The following LHX9 variants were observed in gnomAD, a reference collection of about 807,000 sequenced individuals.
The protein encoded by LHX9 is LIM/homeobox protein Lhx9.
LHX9 carries 9 observed loss-of-function variants against 36.5 expected under a neutral mutation model. The observed-to-expected ratio is 0.25, with a 90% CI of 0.15 to 0.43. LHX9 has a LOEUF of 0.43. Ranked by LOEUF, LHX9 falls within the 20% of genes least tolerant of loss-of-function variation. LHX9 has a pLI of 1.00. For missense variants in LHX9, 464 were observed against 526.4 expected (o/e 0.88, Z 1.16); for synonymous variants, 211 against 212.1 (o/e 0.99, Z 0.04).
In LHX9 at chr1:197,920,142, C is replaced by T; in HGVS notation, c.345C>T (p.Asp115=). 6.2e-7 allele frequency: 1 copy of T among 1,614,214 alleles called. No individual in the cohort carries two copies. Among genetic ancestry groups the T allele is most frequent in the Non-Finnish European group, 8.5e-7 (1 of 1,180,034 alleles). ...LESELTCFAK[D]GSIYCKEDYY... The stretch of plus-strand genomic sequence containing the variant: ...CCGAGCTCACCTGCTTTGCCAAGGA[C>T]GGTAGCATTTACTGCAAGGAGGATT... Residue 115 remains aspartate (D), a synonymous_variant, in exon 2 of 5, where the codon GAC becomes GAT. Coordinates refer to ENST00000367387, the MANE Select transcript of LHX9 (RefSeq NM_020204.3).
intron 1 of LHX9, among the ~76,000 whole-genome samples, chr1:197,918,937 C>G (rs1299084454): frequency 6.6e-6 from 1 of 151,900 alleles, no homozygotes; most frequent in Non-Finnish European, 1.5e-5. Context: ...GGTTTTGGGT[C>G]CGGCCAAGTA....
Position 197,933,376 on chromosome 1 carries a change from A to G in LHX9, c.*4117A>G, listed in dbSNP as rs1660373350. Reference sequence around the variant, plus strand: ...GAGAGAGCAACTTACTAATAAAAAAAAGCAATGCACCATGACAAGTAGACT... The same window carrying G: ...GAGAGAGCAACTTACTAATAAAAAAGAGCAATGCACCATGACAAGTAGACT... On this transcript the variant is annotated 3_prime_UTR_variant, in exon 5 of 5. Transcript: ENST00000367387. 6.6e-6 allele frequency: 1 copy of G among 152,176 alleles called. No homozygotes were observed. 9.4% of individuals were successfully genotyped at this position (152,176 alleles called of 1,614,324 possible).
chr1:197,921,817 G>A lies in LHX9; in HGVS notation c.733+158G>A, dbSNP rs1462056212. Among the ~76,000 whole-genome samples the A allele has an allele frequency of 1.3e-5, 2 of 152,222 alleles. No homozygotes were observed. The highest frequency in any genetic ancestry group is 4.8e-5 in the African/African-American group (2 of 41,450). On this transcript the variant is annotated intron_variant, in intron 3 of 4. Coordinates refer to ENST00000367387, the MANE Select transcript of LHX9 (RefSeq NM_020204.3). This position sits in a 1 kb window ranked among gnomAD's most constrained non-coding sequence, Gnocchi z 4.6. The stretch of plus-strand genomic sequence containing the variant: ...CTCACTCTGAAGGAAGGGAGAGAGG[G>A]AGGAGGAGGGGGGAAGGGAGGGAGA...
rs1660410137 is a variant in LHX9 at position 197,934,752 on chromosome 1, C to T, written c.*5493C>T. 6.6e-6 allele frequency: 1 copy of T among 151,334 alleles called. No individual in the cohort carries two copies. Among genetic ancestry groups the T allele is most frequent in the Admixed American group, 6.6e-5 (1 of 15,154 alleles). 9.4% of individuals were successfully genotyped at this position (151,334 alleles called of 1,614,324 possible). A position where few individuals can be genotyped will look rare whatever the true frequency, so the allele number is the denominator to read the frequency against. ...AATGCCTCTAATGTAAAGCCACAGC[C>T]CTGCTTCTAGCCAATGTCAAAAATA... On this transcript the variant is annotated 3_prime_UTR_variant, in exon 5 of 5. Coordinates refer to ENST00000367387, the MANE Select transcript of LHX9 (RefSeq NM_020204.3).
chr1:197,918,083 G>A (rs1659834340), intron 1 of LHX9, 86 bp downstream of exon 1: 1 of 1,464,292 alleles, frequency 6.8e-7, no homozygotes, highest in Non-Finnish European at 9.2e-7. Context: ...GTGGAGAACC[G>A]GAGCGGCGGG....
chr1:197,917,142 T>C, upstream of LHX9: 1 of 596,332 alleles, frequency 1.7e-6, no homozygotes, highest in Non-Finnish European at 2.1e-6. Flanking sequence ...GTGTGTGTTT[T>C]GTGGGGAGGT....
chr1:197,913,880 A>G (rs1380680038), upstream of LHX9, among the ~76,000 whole-genome samples: 3 of 152,190 alleles, frequency 2.0e-5, no homozygotes, highest in African/African-American at 7.2e-5. Context: ...TGCTCTCAAA[A>G]TATGCACATT....
chr1:197,922,526 C>T (rs1465107432), intron 3 of LHX9, among the ~76,000 whole-genome samples: 1 of 152,226 alleles, frequency 6.6e-6, no homozygotes, highest in Non-Finnish European at 1.5e-5. Flanking sequence ...CACTCCCCAT[C>T]CTCCAGGTGA....
In LHX9 at chr1:197,934,369, G is replaced by A. The variant is rs1380521678; in HGVS notation, c.*5110G>A. ...CTGGGAAGCTCTGGAATGGAAATTT[G>A]GAATCGTGTCATTCTAGGCTCTTAA... On this transcript the variant is annotated 3_prime_UTR_variant, in exon 5 of 5. Coordinates refer to ENST00000367387, the MANE Select transcript of LHX9 (RefSeq NM_020204.3). 2.0e-5 allele frequency: 3 copies of A among 152,082 alleles called. No individual in the cohort carries two copies. The highest frequency in any genetic ancestry group is 7.2e-5 in the African/African-American group (3 of 41,398). 9.4% of individuals were successfully genotyped at this position (152,082 alleles called of 1,614,324 possible).
upstream of LHX9, chr1:197,915,762 C>T (rs926487554): frequency 6.6e-6 from 1 of 152,206 alleles, no homozygotes; most frequent in Non-Finnish European, 1.5e-5. Flanking sequence ...CGCTTTGGGA[C>T]AGGAAGTCAG....
chr1:197,916,491 T>C (rs1659757319), upstream of LHX9: 2 of 589,226 alleles, frequency 3.4e-6, no homozygotes, highest in Non-Finnish European at 6.0e-6. Flanking sequence ...AGTCGCTTCC[T>C]ATATTGGCAA....
rs898250007 is a variant in LHX9, at chr1:197,921,885, C to T, written c.733+226C>T. Among the ~76,000 whole-genome samples, 2 of 152,158 alleles carry T rather than the reference C, an allele frequency of 1.3e-5. No homozygotes were observed. The highest frequency in any genetic ancestry group is 4.8e-5 in the African/African-American group (2 of 41,438). On this transcript the variant is annotated intron_variant, in intron 3 of 4. Coordinates refer to ENST00000367387, the MANE Select transcript of LHX9 (RefSeq NM_020204.3). This position sits in a 1 kb window ranked among gnomAD's most constrained non-coding sequence, Gnocchi z 4.6. Reference sequence around the variant, plus strand: ...GTTGTGGCAAAAAACACATTCATAACTATGGGGCTGTAGTGACTTTCCCCA... The same window carrying T: ...GTTGTGGCAAAAAACACATTCATAATTATGGGGCTGTAGTGACTTTCCCCA...
chr1:197,913,351 G>T (rs1482104270), upstream of LHX9, among the ~76,000 whole-genome samples: 1 of 152,182 alleles, frequency 6.6e-6, no homozygotes, highest in Non-Finnish European at 1.5e-5. Context: ...CAGCTGGAGC[G>T]TGGCCTCGGG....
chr1:197,921,916 G>A lies in LHX9; in HGVS notation c.733+257G>A, dbSNP rs1008058303. Among the ~76,000 whole-genome samples the A allele has an allele frequency of 1.3e-5, 2 of 152,132 alleles. No homozygotes were observed. The highest frequency in any genetic ancestry group is 1.5e-5 in the Non-Finnish European group (1 of 68,032). Reference sequence around the variant, plus strand: ...GGCTGTAGTGACTTTCCCCAAACAGGCAGAGCCAAATCCTTGTTGCCCATT... The same window carrying A: ...GGCTGTAGTGACTTTCCCCAAACAGACAGAGCCAAATCCTTGTTGCCCATT... On this transcript the variant is annotated intron_variant, in intron 3 of 4. Transcript: ENST00000367387. The surrounding 1 kb of genome is among the most constrained non-coding windows in gnomAD (Gnocchi z 4.6).
At position 197,935,152 on chromosome 1, in the gene LHX9, A is replaced by T. The variant is rs1660420377; in HGVS notation, c.*5893A>T. ...TCCCTACTTGCAACATTCCTCTGTGAATATTAATATAGTTAACCCTCCCTT... is the reference window on the plus strand; with the variant it reads ...TCCCTACTTGCAACATTCCTCTGTGTATATTAATATAGTTAACCCTCCCTT... On this transcript the variant is annotated 3_prime_UTR_variant, in exon 5 of 5. Coordinates refer to ENST00000367387, the MANE Select transcript of LHX9 (RefSeq NM_020204.3). 6.6e-6 allele frequency: 1 copy of T among 152,200 alleles called. No individual in the cohort carries two copies. Among genetic ancestry groups the T allele is most frequent in the Non-Finnish European group, 1.5e-5 (1 of 68,026 alleles). 9.4% of individuals were successfully genotyped at this position (152,200 alleles called of 1,614,324 possible).
At chr1:197,914,517 A>T (rs1044638476), upstream of LHX9, among the ~76,000 whole-genome samples, 3 of 152,166 alleles carry the variant, frequency 2.0e-5, no homozygotes, top group Admixed American at 1.3e-4. Context: ...TCCTTTGAGA[A>T]TGAGGAGCGG....
chr1:197,913,265 G>C (rs1048575520), upstream of LHX9: 11 of 152,554 alleles, frequency 7.2e-5, no homozygotes, highest in African/African-American at 2.7e-4. Context: ...CGAAGGGTGA[G>C]GGTAGGCAGA....
chr1:197,923,275 G>A (rs1274688994), intron 3 of LHX9, among the ~76,000 whole-genome samples: 5 of 152,232 alleles, frequency 3.3e-5, no homozygotes, highest in South Asian at 2.1e-4. Context: ...GGCAGCGGGC[G>A]AAGCCCCGGG....
intron 1 of LHX9, chr1:197,918,246 G>A: frequency 1.4e-6 from 1 of 716,128 alleles, no homozygotes; most frequent in South Asian, 1.5e-5. Flanking sequence ...AGAGGAACTG[G>A]GAGGAGGTGG....
Sources: allele counts gnomAD v4.1 joint callset (sites outside exome capture counted in the v4.1 genomes callset), GRCh38; gene constraint gnomAD v4.1.1; non-coding constraint Gnocchi (gnomAD v3.1); transcripts MANE v1.5; gene names NCBI Gene and HGNC (gene_info 2026-07-23, HGNC 2026-07-21).